The following MSRA variants were observed in gnomAD, a reference collection of about 807,000 sequenced individuals.
MSRA encodes the protein mitochondrial peptide methionine sulfoxide reductase.
Under a neutral mutation model 31.3 loss-of-function variants are expected in MSRA, and 54 were observed. The observed-to-expected ratio is 1.73, with a 90% CI of 1.39 to 2.17. The LOEUF (loss-of-function observed/expected upper bound fraction) is 2.17, where lower values mean the gene tolerates loss of function less well. MSRA is among the 30% of genes most tolerant of loss of function. MSRA has a pLI of 0.00. For synonymous variants in MSRA, 169 were observed against 116.5 expected (o/e 1.45, Z -2.90); for missense variants, 507 against 300.9 (o/e 1.69, Z -5.07).
chr8:10,227,006 A>G (rs796788699), intron 2 of MSRA, among the ~76,000 whole-genome samples: 67 of 152,306 alleles, frequency 4.4e-4, no homozygotes, highest in African/African-American at 1.5e-3. Context: ...CTGGGCTTCC[A>G]CGAGCAGAGG....
At chr8:10,241,752 C>CA (rs35207884) in intron 2 of MSRA, among the ~76,000 whole-genome samples, 32,233 of 152,168 alleles carry the variant, frequency 0.21, 4,267 homozygotes, top group Admixed American at 0.34. Flanking sequence ...TCCATAGCCC[C>CA]ACCTCTAGTC....
At chr8:10,089,295 G>A (rs774925385) in intron 1 of MSRA, among the ~76,000 whole-genome samples, 4 of 152,044 alleles carry the variant, frequency 2.6e-5, no homozygotes, top group Non-Finnish European at 5.9e-5. Context: ...AAAGAACAAA[G>A]CCTTAAAAGA....
At chr8:10,200,850 C>G (rs1053426468) in intron 1 of MSRA, among the ~76,000 whole-genome samples, 2 of 152,206 alleles carry the variant, frequency 1.3e-5, no homozygotes, top group Admixed American at 6.5e-5. Flanking sequence ...CTCAGAGCCC[C>G]TGCCCCAGAT....
intron 4 of MSRA, among the ~76,000 whole-genome samples, chr8:10,316,659 T>C (rs1801745508): frequency 6.6e-6 from 1 of 151,734 alleles, no homozygotes; most frequent in African/African-American, 2.4e-5. Context: ...TTCAGTGTTT[T>C]AAATTAAAAA....
chr8:10,423,334 GGT>G (rs1277070049), intron 5 of MSRA, among the ~76,000 whole-genome samples: 2 of 152,202 alleles, frequency 1.3e-5, no homozygotes, highest in Non-Finnish European at 2.9e-5. Context: ...CACAAGCATT[GGT>G]GTGTCAGCCA....
At chr8:10,214,981 C>T (rs947865505) in intron 2 of MSRA, among the ~76,000 whole-genome samples, 18 of 152,136 alleles carry the variant, frequency 1.2e-4, no homozygotes, top group Non-Finnish European at 2.5e-4. Flanking sequence ...GGTGCAGCCA[C>T]GTTGACCTGG....
At chr8:10,064,765 C>A (rs1366182477) in intron 1 of MSRA, among the ~76,000 whole-genome samples, 1 of 152,072 alleles carries the variant, frequency 6.6e-6, no homozygotes, top group East Asian at 1.9e-4. Context: ...GGTCAAAAGT[C>A]ATGTGTAAAA....
chr8:10,396,265 GTC>G (rs536534897), intron 5 of MSRA, among the ~76,000 whole-genome samples: 49 of 152,268 alleles, frequency 3.2e-4, no homozygotes, highest in African/African-American at 1.1e-3. Flanking sequence ...CAGGTGCACT[GTC>G]TCTTCCTCTC....
At chr8:10,152,818 T>C (rs1227814224) in intron 1 of MSRA, among the ~76,000 whole-genome samples, 3 of 152,164 alleles carry the variant, frequency 2.0e-5, no homozygotes, top group Non-Finnish European at 4.4e-5. Flanking sequence ...GGAATAGTAT[T>C]CAGCCTTAAA....
intron 2 of MSRA, among the ~76,000 whole-genome samples, chr8:10,215,502 GA>G (rs960652450): frequency 1.2e-4 from 19 of 152,226 alleles, no homozygotes; most frequent in African/African-American, 4.6e-4. Context: ...AAGTCCCCGG[GA>G]GAGTGACGCC....
intron 4 of MSRA, among the ~76,000 whole-genome samples, chr8:10,318,413 A>G (rs1370539827): frequency 1.3e-5 from 2 of 152,150 alleles, no homozygotes; most frequent in Admixed American, 6.5e-5. Flanking sequence ...ATTCCTTGAG[A>G]CAAGGGATTA....
chr8:10,126,355 C>T (rs1286102123), intron 1 of MSRA, among the ~76,000 whole-genome samples: 2 of 152,094 alleles, frequency 1.3e-5, no homozygotes, highest in African/African-American at 4.8e-5. Context: ...GTAAAAATCA[C>T]TCCAAAATTT....
At chr8:10,159,733 A>C (rs1384585421) in intron 1 of MSRA, among the ~76,000 whole-genome samples, 1 of 152,200 alleles carries the variant, frequency 6.6e-6, no homozygotes, top group Non-Finnish European at 1.5e-5. Context: ...TTAAGTCTTC[A>C]TTTCCAGCAA....
At chr8:10,147,765 T>C (rs1045312868) in intron 1 of MSRA, among the ~76,000 whole-genome samples, 1 of 152,136 alleles carries the variant, frequency 6.6e-6, no homozygotes, top group Admixed American at 6.5e-5. Context: ...TCCTGCATTC[T>C]CCTAGCATCT....
intron 5 of MSRA, among the ~76,000 whole-genome samples, chr8:10,366,919 G>C (rs903193676): frequency 3.9e-5 from 6 of 152,068 alleles, no homozygotes; most frequent in African/African-American, 1.4e-4. Flanking sequence ...CTGAGGTCTT[G>C]TGATATTGTT....
chr8:10,387,667 T>A (rs1806477724), intron 5 of MSRA, among the ~76,000 whole-genome samples: 1 of 152,120 alleles, frequency 6.6e-6, no homozygotes, highest in African/African-American at 2.4e-5. Flanking sequence ...AGATAAAGTC[T>A]CCCAAGTAAT....
chr8:10,054,497 C>A lies in MSRA; in HGVS notation c.-20C>A, dbSNP rs752323221. The A allele has an allele frequency of 1.3e-6, 2 of 1,562,698 alleles. No homozygotes were observed. Among genetic ancestry groups the A allele is most frequent in the African/African-American group, 2.8e-5 (2 of 70,734 alleles). On this transcript the variant is annotated 5_prime_UTR_variant, in exon 1 of 6. Transcript: ENST00000317173. ...CGGTAGCGCCGTCCCCCGGGACCAC[C>A]CTTCGGCTGGCGCCCTCCCATGCTC...
intron 1 of MSRA, among the ~76,000 whole-genome samples, chr8:10,084,593 G>A (rs968638667): frequency 3.3e-5 from 5 of 152,232 alleles, no homozygotes; most frequent in African/African-American, 1.2e-4. Flanking sequence ...CAAGTTACAT[G>A]ACCTTGGTCA....
chr8:10,167,692 T>C (rs17151235), intron 1 of MSRA, among the ~76,000 whole-genome samples: 3,866 of 152,232 alleles, frequency 0.025, 149 homozygotes, highest in African/African-American at 0.089. Flanking sequence ...TGCTGTGTCT[T>C]AGGTTCATCT....
Sources: gnomAD v4.1 joint callset for allele counts (sites outside exome capture counted in the v4.1 genomes callset) on GRCh38, gnomAD v4.1.1 for gene constraint, MANE v1.5 for transcripts, NCBI Gene and HGNC (gene_info 2026-07-23, HGNC 2026-07-21) for gene names.